MCTP1: variants seen among roughly 807,000 people sequenced by gnomAD.
MCTP1 encodes the protein multiple C2 and transmembrane domain containing 1.
A neutral mutation model predicts 120.6 loss-of-function variants in MCTP1; 69 were observed. The ratio of observed to expected loss-of-function variants is 0.57; its 90% CI spans 0.47 to 0.70. MCTP1 has a LOEUF of 0.70. Ranked by LOEUF, MCTP1 falls within the 30% of genes least tolerant of loss-of-function variation. MCTP1 has a pLI of 0.00. For synonymous variants in MCTP1, 529 were observed against 493.1 expected (o/e 1.07, Z -0.96); for missense variants, 1,203 against 1,248.8 (o/e 0.96, Z 0.55).
intron 6 of MCTP1, among the ~76,000 whole-genome samples, chr5:94,925,817 G>A (rs1030163575): frequency 1.3e-5 from 2 of 152,174 alleles, no homozygotes; most frequent in Non-Finnish European, 2.9e-5. Context: ...TATTCTGAAA[G>A]ATGAATTGTT....
At chr5:95,094,383 T>G (rs985424806) in intron 1 of MCTP1, among the ~76,000 whole-genome samples, 1 of 152,240 alleles carries the variant, frequency 6.6e-6, no homozygotes, top group African/African-American at 2.4e-5. Flanking sequence ...CATTAAAAAT[T>G]TATTGAATAA....
At chr5:95,243,589 A>C (rs1021684400) in intron 1 of MCTP1, among the ~76,000 whole-genome samples, 1 of 152,226 alleles carries the variant, frequency 6.6e-6, no homozygotes, top group African/African-American at 2.4e-5. Flanking sequence ...ACATTTTAAG[A>C]AAGCAGGAGA....
intron 7 of MCTP1, among the ~76,000 whole-genome samples, chr5:94,921,202 T>C (rs1480014421): frequency 6.6e-6 from 1 of 152,236 alleles, no homozygotes; most frequent in Non-Finnish European, 1.5e-5. Context: ...ACATAATTTT[T>C]ATTGTTTTCA....
chr5:94,766,922 G>A (rs967454758), intron 19 of MCTP1, among the ~76,000 whole-genome samples: 21 of 151,920 alleles, frequency 1.4e-4, no homozygotes, highest in Middle Eastern at 3.2e-3. Context: ...TCTTCCTAAC[G>A]CATTCTATGA....
rs899853115 is a variant in MCTP1 at position 94,704,386 on chromosome 5, CATT to C, written c.*3107_*3109del. 6.6e-6 allele frequency: 1 copy of C among 151,400 alleles called. No homozygotes were observed. The highest frequency in any genetic ancestry group is 2.4e-5 in the African/African-American group (1 of 41,308). The allele number at this position is 151,400 out of a possible 1,614,324, so 9.4% of individuals were successfully genotyped here. ...TTGTTTGTTCTTAATGCTTAGTCAA[CATT>C]ATAAACATTTAGGCCCATTTAACAA... is the stretch of plus-strand genomic sequence containing the variant. On this transcript the variant is annotated 3_prime_UTR_variant, in exon 23 of 23. Transcript: ENST00000515393.
chr5:95,002,711 C>T (rs1007672004), intron 2 of MCTP1, among the ~76,000 whole-genome samples: 1 of 152,156 alleles, frequency 6.6e-6, no homozygotes, highest in Non-Finnish European at 1.5e-5. Flanking sequence ...ATTTTACAGG[C>T]TCATAGGCAG....
chr5:95,063,996 G>A (rs1309640632), intron 1 of MCTP1, among the ~76,000 whole-genome samples: 1 of 152,172 alleles, frequency 6.6e-6, no homozygotes, highest in Non-Finnish European at 1.5e-5. Context: ...ACTGTGTGAT[G>A]ACAATGAAAG....
chr5:95,210,162 G>T (rs1006717209), intron 1 of MCTP1, among the ~76,000 whole-genome samples: 1 of 152,166 alleles, frequency 6.6e-6, no homozygotes, highest in East Asian at 1.9e-4. Flanking sequence ...TTGATTTGGG[G>T]TGGAGAGTTC....
At chr5:94,901,917 G>A (rs189699036) in intron 10 of MCTP1, among the ~76,000 whole-genome samples, 4 of 152,244 alleles carry the variant, frequency 2.6e-5, no homozygotes, top group Admixed American at 2.0e-4. Context: ...AGACAGAAAT[G>A]AAGCCTCATC....
At chr5:94,754,375 G>A (rs1007714945) in intron 19 of MCTP1, among the ~76,000 whole-genome samples, 5 of 152,270 alleles carry the variant, frequency 3.3e-5, no homozygotes, top group Admixed American at 3.3e-4. Context: ...GCTATGCATA[G>A]TAAAAAGTCT....
intron 2 of MCTP1, among the ~76,000 whole-genome samples, chr5:95,010,349 A>C (rs1225545002): frequency 6.6e-6 from 1 of 152,010 alleles, no homozygotes; most frequent in Non-Finnish European, 1.5e-5. Context: ...AGCTCTCAAC[A>C]TTATATTCTA....
At chr5:94,846,793 G>A (rs529424525) in intron 17 of MCTP1, among the ~76,000 whole-genome samples, 55 of 148,924 alleles carry the variant, frequency 3.7e-4, no homozygotes, top group East Asian at 1.5e-3. Context: ...GTGTGTCTCC[G>A]TACATGTGTG....
chr5:94,990,373 T>C (rs1487153834), intron 2 of MCTP1, among the ~76,000 whole-genome samples: 1 of 152,226 alleles, frequency 6.6e-6, no homozygotes, highest in Non-Finnish European at 1.5e-5. Flanking sequence ...AGTTCTCATC[T>C]GGACCCTGGG....
At chr5:95,018,082 G>C (rs560999729) in intron 1 of MCTP1, among the ~76,000 whole-genome samples, 69 of 152,180 alleles carry the variant, frequency 4.5e-4, no homozygotes, top group African/African-American at 1.5e-3. Flanking sequence ...TGGAATAAAA[G>C]TACATCAGCT....
intron 19 of MCTP1, among the ~76,000 whole-genome samples, chr5:94,737,522 G>T (rs1217755624): frequency 6.6e-6 from 1 of 152,136 alleles, no homozygotes; most frequent in Non-Finnish European, 1.5e-5. Context: ...AATTAAAATA[G>T]GGAGTCCTGT....
At chr5:95,022,183 T>C (rs530449537) in intron 1 of MCTP1, among the ~76,000 whole-genome samples, 1 of 152,332 alleles carries the variant, frequency 6.6e-6, no homozygotes, top group East Asian at 1.9e-4. Flanking sequence ...TCCCATGATA[T>C]ATTAGGTTGG....
chr5:95,053,709 G>A (rs1746613444), intron 1 of MCTP1, among the ~76,000 whole-genome samples: 1 of 152,140 alleles, frequency 6.6e-6, no homozygotes, highest in South Asian at 2.1e-4. Flanking sequence ...CCAAGCAGTA[G>A]GTGAGGGGCT....
chr5:94,968,619 G>A (rs32921), intron 2 of MCTP1, among the ~76,000 whole-genome samples: 87,050 of 151,984 alleles, frequency 0.57, 25,364 homozygotes, highest in Non-Finnish European at 0.62. Context: ...TTGTTGGTTC[G>A]AAAGACTCAA....
intron 1 of MCTP1, among the ~76,000 whole-genome samples, chr5:95,044,445 A>G (rs945725803): frequency 6.6e-6 from 1 of 152,100 alleles, no homozygotes; most frequent in Non-Finnish European, 1.5e-5. Context: ...CCTTTTGCTC[A>G]TTTATCTTCA....
Sources: gnomAD v4.1 joint callset for allele counts (sites outside exome capture counted in the v4.1 genomes callset) on GRCh38, gnomAD v4.1.1 for gene constraint, MANE v1.5 for transcripts, NCBI Gene and HGNC (gene_info 2026-07-23, HGNC 2026-07-21) for gene names.